Variants in GPD2 observed in about 807,000 individuals in gnomAD.
The protein encoded by GPD2 is glycerol-3-phosphate dehydrogenase 2, also known as glycerol-3-phosphate dehydrogenase, mitochondrial.
GPD2 carries 54 observed loss-of-function variants against 82.4 expected under a neutral mutation model. The observed-to-expected ratio is 0.66, with a 90% confidence interval of 0.53 to 0.82. The LOEUF is 0.82. Ranked by LOEUF, GPD2 falls within the 40% of genes least tolerant of loss-of-function variation. The pLI is 0.00. For missense variants in GPD2, 748 were observed against 896.2 expected, an observed-to-expected ratio of 0.83 and a Z score of 2.11; for synonymous variants, 288 against 306.1, an observed-to-expected ratio of 0.94 and a Z score of 0.62.
At chr2:156,516,570 G>T (rs1291463248) in intron 6 of GPD2, among the ~76,000 whole-genome samples, 1 of 152,178 alleles carries the variant, frequency 6.6e-6, no homozygotes, top group Non-Finnish European at 1.5e-5. Flanking sequence ...CTCCCAAGTA[G>T]CTGGGATTAC....
At chr2:156,581,116 G>A (rs538580611) in intron 16 of GPD2, among the ~76,000 whole-genome samples, 1 of 152,064 alleles carries the variant, frequency 6.6e-6, no homozygotes, top group East Asian at 1.9e-4. Context: ...ATGCAGTTGA[G>A]TTAAAAGCAG....
At chr2:156,416,571 C>T in the GPD2 span, among the ~76,000 whole-genome samples, 1 of 150,184 alleles carries the variant, frequency 6.7e-6, no homozygotes, top group Non-Finnish European at 1.5e-5. Context: ...CTATGTTGCC[C>T]AGGCTGGCCT....
chr2:156,441,558 C>CA (rs762866496), intron 1 of GPD2, among the ~76,000 whole-genome samples: 1 of 151,304 alleles, frequency 6.6e-6, no homozygotes, highest in Non-Finnish European at 1.5e-5. Flanking sequence ...GACCTTGTCT[C>CA]AAAAAAAGAA....
intron 3 of GPD2, among the ~76,000 whole-genome samples, chr2:156,509,765 C>CTTTTTTTTTTTTTTT (rs60361072): frequency 1.1e-4 from 13 of 117,374 alleles, no homozygotes; most frequent in Non-Finnish European, 1.3e-4. Flanking sequence ...ATATGTTCTT[C>CTTTTTTTTTTTTTTT]TTTTTTTTTT....
intron 3 of GPD2, among the ~76,000 whole-genome samples, chr2:156,500,231 G>C (rs1684539106): frequency 6.6e-6 from 1 of 152,114 alleles, no homozygotes; most frequent in South Asian, 2.1e-4. Context: ...TTTATAAAAA[G>C]GATGGGCAAA....
the GPD2 span, among the ~76,000 whole-genome samples, chr2:156,405,015 A>C: frequency 1.3e-5 from 2 of 152,226 alleles, no homozygotes; most frequent in African/African-American, 4.8e-5. Context: ...ATTTGAAGGA[A>C]TATTCAGGCA....
Position 156,437,422 on chromosome 2 carries a change from A to G in GPD2, c.-9+909A>G, listed in dbSNP as rs138857892. On this transcript the variant is annotated intron_variant, in intron 1 of 16. Transcript: ENST00000438166. ...CTTCTTCGTAGCTACTGACCACTCT[A>G]GTCCCAGTCCTACAGTTCTTGCTGG... Among the ~76,000 whole-genome samples the G allele has an allele frequency of 2.0e-3, 312 of 152,292 alleles. 1 individual carries two copies. Among genetic ancestry groups the G allele is most frequent in the Middle Eastern group, 0.01 (3 of 294 alleles).
chr2:156,468,037 G>T (rs894940120), intron 1 of GPD2, among the ~76,000 whole-genome samples: 1 of 152,040 alleles, frequency 6.6e-6, no homozygotes, highest in Non-Finnish European at 1.5e-5. Context: ...TTACTTGTCT[G>T]AGTAAGCACT....
chr2:156,500,005 A>C (rs1684530511), intron 3 of GPD2, among the ~76,000 whole-genome samples: 1 of 152,092 alleles, frequency 6.6e-6, no homozygotes, highest in African/African-American at 2.4e-5. Flanking sequence ...TAGCTAGTAT[A>C]TTAGCAGATG....
At chr2:156,502,128 G>GTGTA (rs1684607072) in intron 3 of GPD2, among the ~76,000 whole-genome samples, 1 of 151,826 alleles carries the variant, frequency 6.6e-6, no homozygotes, top group Non-Finnish European at 1.5e-5. Context: ...GTGTGTGTCT[G>GTGTA]TGTATGTATG....
At chr2:156,459,967 G>C (rs920273170) in intron 1 of GPD2, among the ~76,000 whole-genome samples, 9 of 152,130 alleles carry the variant, frequency 5.9e-5, no homozygotes, top group African/African-American at 1.9e-4. Context: ...AAGGTCATTG[G>C]ACTGATACTG....
chr2:156,546,047 A>G (rs1686519496), intron 6 of GPD2, among the ~76,000 whole-genome samples: 1 of 152,186 alleles, frequency 6.6e-6, no homozygotes, highest in Admixed American at 6.5e-5. Context: ...GTTTCTCTAA[A>G]CAAGAGAAAA....
chr2:156,441,339 C>T lies in GPD2; in HGVS notation c.-9+4826C>T, dbSNP rs900928230. ...GGCCAAGACAGGAGGATAACTTGAG[C>T]TCAGGTGTTTGAGATCAGCCTGGGC... On this transcript the variant is annotated intron_variant, in intron 1 of 16. Transcript: ENST00000438166. Among the ~76,000 whole-genome samples the T allele has an allele frequency of 2.6e-5, 4 of 152,160 alleles. No homozygotes were observed. The East Asian group carries it at 7.7e-4, about 29-fold the overall frequency.
At chr2:156,410,346 G>A in the GPD2 span, among the ~76,000 whole-genome samples, 1 of 152,126 alleles carries the variant, frequency 6.6e-6, no homozygotes, top group Non-Finnish European at 1.5e-5. Context: ...TAATGATTGT[G>A]AAAAGTTGCA....
At chr2:156,470,537 A>G (rs532046775) in intron 1 of GPD2, among the ~76,000 whole-genome samples, 7 of 152,310 alleles carry the variant, frequency 4.6e-5, no homozygotes, top group African/African-American at 1.7e-4. Flanking sequence ...TTGTATTTTG[A>G]TAAGTAAGGC....
intron 8 of GPD2, among the ~76,000 whole-genome samples, chr2:156,551,882 A>T (rs866756961): frequency 4.3e-4 from 65 of 152,338 alleles, no homozygotes; most frequent in African/African-American, 1.5e-3. Context: ...TAATATGATT[A>T]TGGGTGAGAG....
At chr2:156,407,944 A>ATT in the GPD2 span, among the ~76,000 whole-genome samples, 2,083 of 56,536 alleles carry the variant, frequency 0.037, 307 homozygotes, top group Non-Finnish European at 0.048. Flanking sequence ...CCATGCTGTA[A>ATT]TTTTTTTTTT....
chr2:156,417,874 A>C, the GPD2 span, among the ~76,000 whole-genome samples: 1 of 151,858 alleles, frequency 6.6e-6, no homozygotes, highest in Non-Finnish European at 1.5e-5. Flanking sequence ...CAGAGACCCT[A>C]TCTCTAAAAA....
intron 1 of GPD2, among the ~76,000 whole-genome samples, chr2:156,458,320 A>G (rs1682857359): frequency 6.6e-6 from 1 of 152,172 alleles, no homozygotes; most frequent in Non-Finnish European, 1.5e-5. Context: ...GAAATTTGGG[A>G]AACACCCAAT....
Sources: allele counts gnomAD v4.1 joint callset (sites outside exome capture counted in the v4.1 genomes callset), GRCh38; gene constraint gnomAD v4.1.1; transcripts MANE v1.5; gene names NCBI Gene and HGNC (gene_info 2026-07-23, HGNC 2026-07-21).